Variants in FAM240B observed in about 807,000 individuals in gnomAD.
FAM240B encodes the protein protein FAM240B.
At chr9:38,701,426 T>C (rs1490189470) in intron 2 of FAM240B, among the ~76,000 whole-genome samples, 1 of 152,228 alleles carries the variant, frequency 6.6e-6, no homozygotes, top group African/African-American at 2.4e-5. Context: ...GTGAGTTGTG[T>C]ATGTGTTTGC....
intron 1 of FAM240B, among the ~76,000 whole-genome samples, chr9:38,712,093 C>T (rs985833492): frequency 6.6e-6 from 1 of 152,138 alleles, no homozygotes; most frequent in Non-Finnish European, 1.5e-5. Flanking sequence ...AGGGGAAATA[C>T]AACATCGTCT....
intron 2 of FAM240B, 54 bp downstream of exon 2, chr9:38,703,803 C>T (rs931113156): frequency 2.8e-5 from 11 of 398,986 alleles, no homozygotes; most frequent in African/African-American, 1.6e-4. Flanking sequence ...TCATATCTGG[C>T]ATATCTCTGG....
chr9:38,696,622 A>G (rs558056542), intron 2 of FAM240B, among the ~76,000 whole-genome samples: 1 of 152,266 alleles, frequency 6.6e-6, no homozygotes, highest in African/African-American at 2.4e-5. Context: ...ATCCTGGCTA[A>G]CATGGTGAAA....
At chr9:38,699,196 T>A (rs10739005) in intron 2 of FAM240B, among the ~76,000 whole-genome samples, 123,815 of 152,194 alleles carry the variant, frequency 0.81, 50,516 homozygotes, top group South Asian at 0.86. Context: ...AGGAGCACAG[T>A]TTCTCCTTGA....
intron 1 of FAM240B, chr9:38,705,610 C>G (rs1036370809): frequency 2.7e-5 from 4 of 145,932 alleles, no homozygotes; most frequent in African/African-American, 1.0e-4. Flanking sequence ...AAAAAAAAAG[C>G]TTCAGAGAAG....
rs963203823 is a variant in FAM240B at position 38,706,978 on chromosome 9, A to G, written c.-3-2976T>C. On this transcript the variant is annotated intron_variant, in intron 1 of 2. Coordinates refer to ENST00000637493, the MANE Select transcript of FAM240B (RefSeq NM_001394922.1). ...TTCAGGCTCCAGGAACATCTAAGGC[A>G]TCTCATTTTCCTGATGTACAAGTTC... is the stretch of plus-strand genomic sequence containing the variant. Among the ~76,000 whole-genome samples the G allele has an allele frequency of 4.6e-5, 7 of 152,202 alleles. No homozygotes were observed. In the East Asian group the frequency reaches 1.2e-3, roughly 25 times the overall value.
Position 38,694,551 on chromosome 9 carries a change from G to A in FAM240B, c.*225C>T. Reference sequence around the variant, plus strand: ...AGAGCTCTTTTATTAAATAGCCCAAGCGTCCTATCCCACTTGCGGTCATCC... The same window carrying A: ...AGAGCTCTTTTATTAAATAGCCCAAACGTCCTATCCCACTTGCGGTCATCC... On this transcript the variant is annotated 3_prime_UTR_variant, in exon 3 of 3. Transcript: ENST00000637493. The A allele has an allele frequency of 2.6e-6, 1 of 377,412 alleles. No individual in the cohort carries two copies. Among genetic ancestry groups the A allele is most frequent in the Admixed American group, 4.5e-5 (1 of 22,082 alleles). 23.4% of individuals were successfully genotyped at this position (377,412 alleles called of 1,614,324 possible). A position where few individuals can be genotyped will look rare whatever the true frequency, so the allele number is the denominator to read the frequency against.
At chr9:38,711,021 G>C (rs1045169065) in intron 1 of FAM240B, among the ~76,000 whole-genome samples, 3 of 152,038 alleles carry the variant, frequency 2.0e-5, no homozygotes, top group African/African-American at 7.2e-5. Flanking sequence ...GACAACAGCT[G>C]GATACCGAGA....
intron 1 of FAM240B, among the ~76,000 whole-genome samples, chr9:38,709,504 C>T (rs778482532): frequency 2.2e-4 from 33 of 152,188 alleles, no homozygotes; most frequent in Non-Finnish European, 4.7e-4. Flanking sequence ...GCCTCTGCAC[C>T]TGGCCCAGGC....
chr9:38,709,728 G>A (rs1345350003), intron 1 of FAM240B, among the ~76,000 whole-genome samples: 2 of 152,198 alleles, frequency 1.3e-5, no homozygotes, highest in Admixed American at 6.5e-5. Flanking sequence ...AAACCCATTA[G>A]GTACCTGAAC....
chr9:38,709,101 T>TG, intron 1 of FAM240B, among the ~76,000 whole-genome samples: 1 of 152,260 alleles, frequency 6.6e-6, no homozygotes, highest in South Asian at 2.1e-4. Context: ...AAGGAGTGAC[T>TG]GTCTTACTAA....
intron 1 of FAM240B, 105 bp from the exon 2 acceptor site, chr9:38,704,107 GT>G (rs5897747): frequency 0.2 from 60,999 of 310,466 alleles, 684 homozygotes; most frequent in Middle Eastern, 0.2. Context: ...ATTTACACTT[GT>G]TTTTTTTTTT....
chr9:38,709,896 A>G (rs1009911207), intron 1 of FAM240B, among the ~76,000 whole-genome samples: 2 of 152,150 alleles, frequency 1.3e-5, no homozygotes, highest in Non-Finnish European at 2.9e-5. Context: ...CTAAGTTTCC[A>G]CTTGCTACTT....
intron 1 of FAM240B, among the ~76,000 whole-genome samples, chr9:38,708,279 T>G (rs1234496291): frequency 6.6e-6 from 1 of 152,194 alleles, no homozygotes; most frequent in African/African-American, 2.4e-5. Context: ...GCTTTCTCTA[T>G]GCTTTCCTCC....
At chr9:38,704,110 T>C (rs77355900) in intron 1 of FAM240B, 108 bp from the exon 2 acceptor site, 1 of 315,422 alleles carries the variant, frequency 3.2e-6, no homozygotes, top group Non-Finnish European at 5.8e-6. Flanking sequence ...TACACTTGTT[T>C]TTTTTTTTTT....
intron 2 of FAM240B, among the ~76,000 whole-genome samples, chr9:38,698,049 C>T (rs1000046353): frequency 1.3e-5 from 2 of 152,190 alleles, no homozygotes; most frequent in Non-Finnish European, 2.9e-5. Flanking sequence ...TTTCACACTA[C>T]AGTGGCACAG....
At chr9:38,714,426 G>T (rs987810254) in intron 1 of FAM240B, among the ~76,000 whole-genome samples, 6 of 152,134 alleles carry the variant, frequency 3.9e-5, no homozygotes, top group African/African-American at 9.7e-5. Flanking sequence ...TTTAACATAC[G>T]ATCACAAATT....
intron 1 of FAM240B, among the ~76,000 whole-genome samples, chr9:38,714,098 G>T (rs1430712394): frequency 6.6e-6 from 1 of 152,166 alleles, no homozygotes; most frequent in Non-Finnish European, 1.5e-5. Flanking sequence ...AATATCCAAA[G>T]AGGGAACAAT....
chr9:38,709,924 A>C (rs952478480), intron 1 of FAM240B, among the ~76,000 whole-genome samples: 10 of 152,226 alleles, frequency 6.6e-5, no homozygotes, highest in African/African-American at 2.4e-4. Context: ...ATGTGTATGC[A>C]GATGGAAGAG....
Sources: allele counts gnomAD v4.1 joint callset (sites outside exome capture counted in the v4.1 genomes callset), GRCh38; gene constraint gnomAD v4.1.1; transcripts MANE v1.5; gene names NCBI Gene and HGNC (gene_info 2026-07-23, HGNC 2026-07-21).